Variants in LRATD2 observed in about 807,000 individuals in gnomAD.
LRATD2 encodes LRAT domain containing 2.
LRATD2 carries 10 observed loss-of-function variants against 12.0 expected under a neutral mutation model. The ratio of observed to expected loss-of-function variants is 0.83; its 90% CI spans 0.51 to 1.41. LRATD2 has a LOEUF of 1.41. Ranked by LOEUF, LRATD2 falls within the 40% of genes most tolerant of loss-of-function variation. The pLI is 0.00. For missense variants in LRATD2, 455 were observed against 446.1 expected (o/e 1.02, Z -0.18); for synonymous variants, 220 against 205.8 (o/e 1.07, Z -0.59).
chr8:126,556,097 A>C lies in LRATD2; in HGVS notation c.*360T>G. The C allele has an allele frequency of 7.5e-6, 2 of 266,306 alleles. No individual in the cohort carries two copies. Among genetic ancestry groups the C allele is most frequent in the Non-Finnish European group, 7.0e-6 (1 of 141,846 alleles). The allele number at this position is 266,306 out of a possible 1,614,324, so 16.5% of individuals were successfully genotyped here. A position where few individuals can be genotyped will look rare whatever the true frequency, so the allele number is the denominator to read the frequency against. On this transcript the variant is annotated 3_prime_UTR_variant, in exon 2 of 2. Transcript: ENST00000304916. The surrounding 1 kb of genome is among the most constrained non-coding windows in gnomAD (Gnocchi z 5.6). The stretch of plus-strand genomic sequence containing the variant: ...ATAGGAAGCAACGGCAGGAATGGGT[A>C]CTCCGAACTTTCCCCCAACCCCACG...
In LRATD2 at chr8:126,556,603, C is replaced by G. The variant is rs1168730315; in HGVS notation, c.787G>C (p.Ala263Pro). Reference sequence around the variant, plus strand: ...GTGGCGAGCTCCTGCAGCACGGCCGCGCGCCCGATCTGGTCGTTGCGTCGC... The same window carrying G: ...GTGGCGAGCTCCTGCAGCACGGCCGGGCGCCCGATCTGGTCGTTGCGTCGC... ...EKRRNDQIGR[A>P]AVLQELATHL... The change falls in exon 2 of 2, where the codon GCG becomes CCG. Residue 263 changes from alanine to proline, a missense_variant. Physicochemically the swap from Ala to Pro is conservative, Grantham distance 27 (BLOSUM62 -1). Transcript: ENST00000304916. The surrounding 1 kb of genome is among the most constrained non-coding windows in gnomAD (Gnocchi z 5.6). 2 of 1,610,064 alleles carry G rather than the reference C, an allele frequency of 1.2e-6. No individual in the cohort carries two copies. Among genetic ancestry groups the G allele is most frequent in the African/African-American group, 2.7e-5 (2 of 74,822 alleles).
In LRATD2 at chr8:126,558,293, C is replaced by T. The variant is rs931402432; in HGVS notation, c.-356G>A. On this transcript the variant is annotated 5_prime_UTR_variant, in exon 1 of 2. Coordinates refer to ENST00000304916, the MANE Select transcript of LRATD2 (RefSeq NM_174911.5). Reference sequence around the variant, plus strand: ...CTCCCGCCAGCTGGGGCTGCTGCCCCTCCTCAGCCAGCTCTCGGGGGAGGT... The same window carrying T: ...CTCCCGCCAGCTGGGGCTGCTGCCCTTCCTCAGCCAGCTCTCGGGGGAGGT... 1.3e-5 allele frequency: 2 copies of T among 152,178 alleles called. No homozygotes were observed. Among genetic ancestry groups the T allele is most frequent in the Non-Finnish European group, 2.9e-5 (2 of 68,070 alleles). The allele number at this position is 152,178 out of a possible 1,614,324, so 9.4% of individuals were successfully genotyped here. A position where few individuals can be genotyped will look rare whatever the true frequency, so the allele number is the denominator to read the frequency against.
rs1222837457 is a variant in LRATD2, at chr8:126,556,770, C to A, written c.620G>T (p.Trp207Leu). Reference sequence around the variant, plus strand: ...GAACTCGCGCTTGCCGTAGCGGCACCAGGCGGCGAAACTCTCCGAGTTGCG... The same window carrying A: ...GAACTCGCGCTTGCCGTAGCGGCACAAGGCGGCGAAACTCTCCGAGTTGCG... ...SWRNSESFAAWCRYGKREFKI... is the reference protein window; with the variant it reads ...SWRNSESFAALCRYGKREFKI... Residue 207 changes from tryptophan to leucine, a missense_variant, in exon 2 of 2, where the codon TGG (tryptophan) becomes TTG (leucine). Physicochemically the swap from Trp to Leu is moderately conservative, Grantham distance 61. Transcript: ENST00000304916. The surrounding 1 kb of genome is among the most constrained non-coding windows in gnomAD (Gnocchi z 5.6). 2 of 1,597,580 alleles carry A rather than the reference C, an allele frequency of 1.3e-6. No individual in the cohort carries two copies. Among genetic ancestry groups the A allele is most frequent in the African/African-American group, 1.3e-5 (1 of 74,704 alleles).
Position 126,556,646 on chromosome 8 carries a change from C to T in LRATD2, c.744G>A (p.Glu248=). Reference sequence around the variant, plus strand: ...TGCGTCGCTTCTCCATGATCAGGTCCTCTAGACTCTGGAACTCGAGCGTGT... The same window carrying T: ...TGCGTCGCTTCTCCATGATCAGGTCTTCTAGACTCTGGAACTCGAGCGTGT... The part of the protein sequence containing the change: ...RSHTLEFQSL[E]DLIMEKRRND... Residue 248 remains glutamate (E), a synonymous_variant, in exon 2 of 2, where the codon GAG becomes GAA. Transcript: ENST00000304916. This position sits in a 1 kb window ranked among gnomAD's most constrained non-coding sequence, Gnocchi z 5.6. The T allele has an allele frequency of 6.2e-7, 1 of 1,612,234 alleles. No individual in the cohort carries two copies.
In LRATD2 at chr8:126,558,145, G is replaced by A. The variant is rs2130495565; in HGVS notation, c.-208C>T. 6.7e-6 allele frequency: 1 copy of A among 150,080 alleles called. No homozygotes were observed. Among genetic ancestry groups the A allele is most frequent in the Non-Finnish European group, 1.5e-5 (1 of 67,414 alleles). 9.3% of individuals were successfully genotyped at this position (150,080 alleles called of 1,614,324 possible). ...CGGCAGTCCCTCCTCTCCCGGCGCG[G>A]GCGGCAGCGAGGCTGGGCAGAGGGC... On this transcript the variant is annotated 5_prime_UTR_variant, in exon 1 of 2. Coordinates refer to ENST00000304916, the MANE Select transcript of LRATD2 (RefSeq NM_174911.5).
Position 126,556,826 on chromosome 8 carries a change from G to A in LRATD2, c.564C>T (p.His188=). Residue 188 remains histidine, a synonymous_variant, in exon 2 of 2, where the codon CAC becomes CAT. Transcript: ENST00000304916. The surrounding 1 kb of genome is among the most constrained non-coding windows in gnomAD (Gnocchi z 5.6). Reference sequence around the variant, plus strand: ...TCAGCTCGCGCTCCTTGGCACCCACGTGCGCCAGCGCGTTGCGCACCACGG... The same window carrying A: ...TCAGCTCGCGCTCCTTGGCACCCACATGCGCCAGCGCGTTGCGCACCACGG... The part of the protein sequence containing the change: ...SSAVVRNALA[H]VGAKERELSW... 6.2e-7 allele frequency: 1 copy of A among 1,603,328 alleles called. No homozygotes were observed. The highest frequency in any genetic ancestry group is 2.2e-5 in the East Asian group (1 of 44,772).
chr8:126,557,967 C>T lies in LRATD2; in HGVS notation c.-97+67G>A, dbSNP rs930809655. 1 of 152,726 alleles carries T rather than the reference C, an allele frequency of 6.5e-6. No individual in the cohort carries two copies. Among genetic ancestry groups the T allele is most frequent in the Non-Finnish European group, 1.5e-5 (1 of 68,492 alleles). The allele number at this position is 152,726 out of a possible 1,614,324, so 9.5% of individuals were successfully genotyped here. A position where few individuals can be genotyped will look rare whatever the true frequency, so the allele number is the denominator to read the frequency against. On this transcript the variant is annotated intron_variant, in intron 1 of 1. Coordinates refer to ENST00000304916, the MANE Select transcript of LRATD2 (RefSeq NM_174911.5). The surrounding 1 kb of genome is among the most constrained non-coding windows in gnomAD (Gnocchi z 5.3). ...CTACCTGGCTCACCTGCAGCGCTACCTCCTCCCGGCTCGCCCGCCCTTCCC... is the reference window on the plus strand; with the variant it reads ...CTACCTGGCTCACCTGCAGCGCTACTTCCTCCCGGCTCGCCCGCCCTTCCC...
In LRATD2 at chr8:126,555,175, C is replaced by A. The variant is rs1817359234; in HGVS notation, c.*1282G>T. ...AACAAAGGGCTCTGAAGGAGGTGTT[C>A]TCCAAGCAACAAGGAGACTGCTTCA... On this transcript the variant is annotated 3_prime_UTR_variant, in exon 2 of 2. Coordinates refer to ENST00000304916, the MANE Select transcript of LRATD2 (RefSeq NM_174911.5). The A allele has an allele frequency of 6.6e-6, 1 of 152,192 alleles. No homozygotes were observed. Among genetic ancestry groups the A allele is most frequent in the South Asian group, 2.1e-4 (1 of 4,830 alleles). The allele number at this position is 152,192 out of a possible 1,614,324, so 9.4% of individuals were successfully genotyped here.
chr8:126,553,968 T>C lies in LRATD2; in HGVS notation c.*2489A>G, dbSNP rs1817333157. 6.6e-6 allele frequency: 1 copy of C among 152,376 alleles called. No individual in the cohort carries two copies. The highest frequency in any genetic ancestry group is 2.4e-5 in the African/African-American group (1 of 41,454). The allele number at this position is 152,376 out of a possible 1,614,324, so 9.4% of individuals were successfully genotyped here. On this transcript the variant is annotated 3_prime_UTR_variant, in exon 2 of 2. Coordinates refer to ENST00000304916, the MANE Select transcript of LRATD2 (RefSeq NM_174911.5). ...AGACGGGTGGGGGAGTTGATCTGGC[T>C]AGCCCAGAGCTGGACAGTGCCATTC... is the stretch of plus-strand genomic sequence containing the variant.
Position 126,556,700 on chromosome 8 carries a change from C to G in LRATD2, c.690G>C (p.Leu230=). The G allele has an allele frequency of 6.2e-7, 1 of 1,609,646 alleles. No individual in the cohort carries two copies. The highest frequency in any genetic ancestry group is 1.3e-5 in the African/African-American group (1 of 75,024). Reference sequence around the variant, plus strand: ...TGCGCTGCGCCGACAGCTGAATCTGCAGCCGGTAGGGCTGCTTGCCGATGC... The same window carrying G: ...TGCGCTGCGCCGACAGCTGAATCTGGAGCCGGTAGGGCTGCTTGCCGATGC... ...ELRIGKQPYR[L]QIQLSAQRSH... is the part of the protein sequence containing the mutation. The change falls in exon 2 of 2, where the codon CTG becomes CTC. Residue 230 remains leucine, a synonymous_variant. Coordinates refer to ENST00000304916, the MANE Select transcript of LRATD2 (RefSeq NM_174911.5). This position sits in a 1 kb window ranked among gnomAD's most constrained non-coding sequence, Gnocchi z 5.6.
Position 126,556,844 on chromosome 8 carries a change from C to A in LRATD2, c.546G>T (p.Val182=). The A allele has an allele frequency of 6.2e-7, 1 of 1,605,554 alleles. No homozygotes were observed. Residue 182 remains valine (V), a synonymous_variant, in exon 2 of 2, where the codon GTG becomes GTT. Coordinates refer to ENST00000304916, the MANE Select transcript of LRATD2 (RefSeq NM_174911.5). This position sits in a 1 kb window ranked among gnomAD's most constrained non-coding sequence, Gnocchi z 5.6. The part of the protein sequence containing the change: ...RYKPLSSSAV[V]RNALAHVGAK... The stretch of plus-strand genomic sequence containing the variant: ...CACCCACGTGCGCCAGCGCGTTGCG[C>A]ACCACGGCGCTGGAGCTTAGCGGCT...
chr8:126,552,531 AG>A lies in LRATD2; in HGVS notation c.*3925del, dbSNP rs1239241298. On this transcript the variant is annotated 3_prime_UTR_variant, in exon 2 of 2. Coordinates refer to ENST00000304916, the MANE Select transcript of LRATD2 (RefSeq NM_174911.5). The stretch of plus-strand genomic sequence containing the variant: ...TTTATTTTAATAAGACATAGTGAAG[AG>A]GAAATGGCTTAAAAGATATCATCAA... The A allele has an allele frequency of 6.5e-6, 1 of 152,682 alleles. No homozygotes were observed. Among genetic ancestry groups the A allele is most frequent in the Non-Finnish European group, 1.5e-5 (1 of 68,046 alleles). 9.5% of individuals were successfully genotyped at this position (152,682 alleles called of 1,614,324 possible).
rs1436071557 is a variant in LRATD2 at position 126,556,457 on chromosome 8, T to C, written c.933A>G (p.Ter311TrpextTer4). The stretch of plus-strand genomic sequence containing the variant: ...CGCAGCTCTGCGCTCAGCTCGCCCA[T>C]CAGTGTGCCACTGCCTCTCCGTCCT... ...EEEDGEAVAH[*>W] The change falls in exon 2 of 2, where the codon TGA becomes TGG. Residue 311 changes from the stop codon to tryptophan, a stop_lost. Coordinates refer to ENST00000304916, the MANE Select transcript of LRATD2 (RefSeq NM_174911.5). This position sits in a 1 kb window ranked among gnomAD's most constrained non-coding sequence, Gnocchi z 5.6. 20 of 1,564,644 alleles carry C rather than the reference T, an allele frequency of 1.3e-5. No homozygotes were observed. Among genetic ancestry groups the C allele is most frequent in the Non-Finnish European group, 1.6e-5 (19 of 1,160,854 alleles).
In LRATD2 at chr8:126,556,558, G is replaced by C. The variant is rs1228779543; in HGVS notation, c.832C>G (p.Pro278Ala). The C allele has an allele frequency of 6.2e-7, 1 of 1,606,922 alleles. No homozygotes were observed. The highest frequency in any genetic ancestry group is 8.5e-7 in the Non-Finnish European group (1 of 1,177,448). The stretch of plus-strand genomic sequence containing the variant: ...GCCACGTTGCTGTCGCCCTCCTCCG[G>C]CTCCGCCGGGTGCAGGTGCGTGGCG... ...ELATHLHPAEPEEGDSNVART... is the reference protein window; with the variant it reads ...ELATHLHPAEAEEGDSNVART... The change falls in exon 2 of 2, where the codon CCG becomes GCG. Residue 278 changes from proline (P) to alanine (A), a missense_variant. Transcript: ENST00000304916. This position sits in a 1 kb window ranked among gnomAD's most constrained non-coding sequence, Gnocchi z 5.6.
At position 126,552,934 on chromosome 8, in the gene LRATD2, A is replaced by G. The variant is rs1193196076; in HGVS notation, c.*3523T>C. The G allele has an allele frequency of 6.5e-6, 1 of 152,800 alleles. No individual in the cohort carries two copies. Among genetic ancestry groups the G allele is most frequent in the South Asian group, 2.1e-4 (1 of 4,828 alleles). 9.5% of individuals were successfully genotyped at this position (152,800 alleles called of 1,614,324 possible). The stretch of plus-strand genomic sequence containing the variant: ...AAACAAAAAATGGTTAGACAAGCAC[A>G]TGATATCAAGAGTCTTCAACACAGT... On this transcript the variant is annotated 3_prime_UTR_variant, in exon 2 of 2. Coordinates refer to ENST00000304916, the MANE Select transcript of LRATD2 (RefSeq NM_174911.5).
Position 126,553,712 on chromosome 8 carries a change from C to T in LRATD2, c.*2745G>A, listed in dbSNP as rs1032541680. Reference sequence around the variant, plus strand: ...CTAAGAAAATTCCCAATAAAAATCACTGTTCTTAAGTGTCACATATTTCAC... The same window carrying T: ...CTAAGAAAATTCCCAATAAAAATCATTGTTCTTAAGTGTCACATATTTCAC... On this transcript the variant is annotated 3_prime_UTR_variant, in exon 2 of 2. Coordinates refer to ENST00000304916, the MANE Select transcript of LRATD2 (RefSeq NM_174911.5). 1 of 152,176 alleles carries T rather than the reference C, an allele frequency of 6.6e-6. No individual in the cohort carries two copies. 9.4% of individuals were successfully genotyped at this position (152,176 alleles called of 1,614,324 possible).
Position 126,557,475 on chromosome 8 carries a change from G to C in LRATD2, c.-86C>G. ...CATTTGCACAGGTCCCCGGACAGGG[G>C]CTGAGGCTACCTGTTGGGAGAGGAA... On this transcript the variant is annotated 5_prime_UTR_variant, in exon 2 of 2. Transcript: ENST00000304916. The surrounding 1 kb of genome is among the most constrained non-coding windows in gnomAD (Gnocchi z 5.3). 1 of 1,427,062 alleles carries C rather than the reference G, an allele frequency of 7.0e-7. No homozygotes were observed. 88.4% of individuals were successfully genotyped at this position (1,427,062 alleles called of 1,614,324 possible).
At position 126,556,814 on chromosome 8, in the gene LRATD2, C is replaced by T. The variant is rs1817413030; in HGVS notation, c.576G>A (p.Lys192=). The T allele has an allele frequency of 3.7e-6, 6 of 1,601,936 alleles. No individual in the cohort carries two copies. Among genetic ancestry groups the T allele is most frequent in the Non-Finnish European group, 5.1e-6 (6 of 1,177,564 alleles). Residue 192 remains lysine, a synonymous_variant, in exon 2 of 2, where the codon AAG becomes AAA. Coordinates refer to ENST00000304916, the MANE Select transcript of LRATD2 (RefSeq NM_174911.5). This position sits in a 1 kb window ranked among gnomAD's most constrained non-coding sequence, Gnocchi z 5.6. ...VRNALAHVGA[K]ERELSWRNSE... ...AGTTGCGCCAGCTCAGCTCGCGCTC[C>T]TTGGCACCCACGTGCGCCAGCGCGT...
At position 126,557,343 on chromosome 8, in the gene LRATD2, A is replaced by C; in HGVS notation, c.47T>G (p.Val16Gly). The C allele has an allele frequency of 6.2e-7, 1 of 1,613,722 alleles. No individual in the cohort carries two copies. The highest frequency in any genetic ancestry group is 8.5e-7 in the Non-Finnish European group (1 of 1,179,940). Reference protein sequence around the residue: ...EKLTHLSYKEVPTADPTGVDR... With the variant: ...EKLTHLSYKEGPTADPTGVDR... ...CACGCCAGTCGGGTCGGCCGTGGGAACTTCCTTGTAACTTAGGTGGGTCAA... is the reference window on the plus strand; with the variant it reads ...CACGCCAGTCGGGTCGGCCGTGGGACCTTCCTTGTAACTTAGGTGGGTCAA... Residue 16 changes from valine (V) to glycine (G), a missense_variant, in exon 2 of 2, where the codon GTT becomes GGT. Coordinates refer to ENST00000304916, the MANE Select transcript of LRATD2 (RefSeq NM_174911.5). The surrounding 1 kb of genome is among the most constrained non-coding windows in gnomAD (Gnocchi z 5.3).
Sources: allele counts gnomAD v4.1 joint callset, GRCh38; gene constraint gnomAD v4.1.1; non-coding constraint Gnocchi (gnomAD v3.1); transcripts MANE v1.5; gene names NCBI Gene and HGNC (gene_info 2026-07-23, HGNC 2026-07-21).